The following POLA2 variants were observed in gnomAD, a reference collection of about 807,000 sequenced individuals.
The protein encoded by POLA2 is DNA polymerase alpha subunit B.
A neutral mutation model predicts 82.8 loss-of-function variants in POLA2; 47 were observed. That is an observed-to-expected ratio of 0.57 (90% CI 0.45 to 0.72). The LOEUF is 0.72. Ranked by LOEUF, POLA2 falls within the 30% of genes least tolerant of loss-of-function variation. POLA2 has a pLI of 0.00. For synonymous variants in POLA2, 287 were observed against 286.8 expected, an observed-to-expected ratio of 1.00 and a Z score of -0.01; for missense variants, 634 against 728.1, an observed-to-expected ratio of 0.87 and a Z score of 1.49.
At chr11:65,284,286 C>T (rs752737173) in intron 10 of POLA2, among the ~76,000 whole-genome samples, 10 of 151,958 alleles carry the variant, frequency 6.6e-5, no homozygotes, top group Non-Finnish European at 1.2e-4. Flanking sequence ...AGCCTCCCGG[C>T]ACATAGTGGG....
chr11:65,296,042 T>G, intron 17 of POLA2, 52 bp downstream of exon 17: 6 of 1,611,012 alleles, frequency 3.7e-6, no homozygotes, highest in Non-Finnish European at 5.1e-6. Flanking sequence ...AGTCTTTGAC[T>G]TTCCCTTCTA....
At chr11:65,271,655 T>A (rs550514796) in intron 4 of POLA2, among the ~76,000 whole-genome samples, 2 of 150,664 alleles carry the variant, frequency 1.3e-5, no homozygotes, top group East Asian at 3.9e-4. Flanking sequence ...AGGTCAGGAG[T>A]TCGAGACCAG....
At chr11:65,273,043 G>A (rs1949538956) in intron 4 of POLA2, among the ~76,000 whole-genome samples, 1 of 148,734 alleles carries the variant, frequency 6.7e-6, no homozygotes, top group Admixed American at 6.7e-5. Flanking sequence ...AAACTAGCCA[G>A]GCGCAGTGGC....
intron 5 of POLA2, 50 bp from the exon 6 acceptor site, chr11:65,278,680 T>A (rs1949606511): frequency 2.8e-6 from 4 of 1,436,650 alleles, no homozygotes; most frequent in Non-Finnish European, 3.8e-6. Context: ...TATTCTTCTC[T>A]CCCTTTAGAT....
At chr11:65,305,340 C>CT (rs1353683543) in intron 8 of POLA2, 4 of 456,126 alleles carry the variant, frequency 8.8e-6, no homozygotes, top group South Asian at 1.5e-5. Flanking sequence ...AACGCAAACT[C>CT]TAACTACACC....
chr11:65,271,318 C>T (rs552106373), intron 4 of POLA2, among the ~76,000 whole-genome samples: 47 of 152,264 alleles, frequency 3.1e-4, no homozygotes, highest in African/African-American at 9.4e-4. Flanking sequence ...GGGACCACCA[C>T]GGTTTTATCT....
Position 65,262,268 on chromosome 11 carries a change from T to G in POLA2, c.-25T>G. Reference sequence around the variant, plus strand: ...GCAGGTCGGAGCTGGGTGGGCCGGCTCCCCGGCCCCTGGCTTGGGCGACCA... The same window carrying G: ...GCAGGTCGGAGCTGGGTGGGCCGGCGCCCCGGCCCCTGGCTTGGGCGACCA... On this transcript the variant is annotated 5_prime_UTR_variant, in exon 1 of 18. Transcript: ENST00000265465. 6.3e-7 allele frequency: 1 copy of G among 1,597,528 alleles called. No homozygotes were observed. The highest frequency in any genetic ancestry group is 8.6e-7 in the Non-Finnish European group (1 of 1,168,562).
downstream of POLA2, among the ~76,000 whole-genome samples, chr11:65,301,959 C>T (rs984487484): frequency 2.0e-5 from 3 of 152,172 alleles, no homozygotes; most frequent in Admixed American, 6.5e-5. Flanking sequence ...GCTGGACTGC[C>T]GCTGGCTCTG....
At chr11:65,293,608 CAA>C (rs35492423) in intron 13 of POLA2, among the ~76,000 whole-genome samples, 1,500 of 73,512 alleles carry the variant, frequency 0.02, 24 homozygotes, top group African/African-American at 0.057. Flanking sequence ...GGCTCTGTCT[CAA>C]AAAAAAAAAA....
intron 1 of POLA2, among the ~76,000 whole-genome samples, chr11:65,263,333 C>T (rs1206019): frequency 0.62 from 92,698 of 150,578 alleles, 31,676 homozygotes; most frequent in Middle Eastern, 0.79. Context: ...GATTCTCCTG[C>T]CTCAGCCTCC....
At chr11:65,276,790 C>T (rs919847525) in intron 5 of POLA2, among the ~76,000 whole-genome samples, 12 of 137,748 alleles carry the variant, frequency 8.7e-5, no homozygotes, top group African/African-American at 3.0e-4. Context: ...AACTCTATCA[C>T]TTTTTTTTTT....
chr11:65,288,903 C>G, intron 11 of POLA2, 147 bp from the exon 12 acceptor site: 1 of 718,058 alleles, frequency 1.4e-6, no homozygotes, highest in Non-Finnish European at 2.4e-6. Context: ...GCCAGCCCAT[C>G]TGCTAACTGT....
In POLA2 at chr11:65,264,447, C is replaced by T. The variant is rs544399220; in HGVS notation, c.79+2076C>T. Among the ~76,000 whole-genome samples the T allele has an allele frequency of 3.3e-5, 5 of 152,282 alleles. No homozygotes were observed. In the East Asian group the frequency reaches 5.8e-4, roughly 18 times the overall value. ...CTTCAACTCCTGACCTCAGGTGATCCGCCCACCCTGGCCTCCCAAAGTGCT... is the reference window on the plus strand; with the variant it reads ...CTTCAACTCCTGACCTCAGGTGATCTGCCCACCCTGGCCTCCCAAAGTGCT... On this transcript the variant is annotated intron_variant, in intron 1 of 17. Transcript: ENST00000265465.
Position 65,297,301 on chromosome 11 carries a change from G to A in POLA2, c.*32G>A. ...TGTCCTCTGCTGTTCTCTGCTGTGT[G>A]GGCCCTTAAAGTCTTAGCCAAGAGC... is the stretch of plus-strand genomic sequence containing the variant. On this transcript the variant is annotated 3_prime_UTR_variant, in exon 18 of 18. Transcript: ENST00000265465. 2 of 1,553,284 alleles carry A rather than the reference G, an allele frequency of 1.3e-6. No individual in the cohort carries two copies. The highest frequency in any genetic ancestry group is 1.7e-6 in the Non-Finnish European group (2 of 1,151,562).
chr11:65,262,939 G>C (rs1477001101), intron 1 of POLA2, among the ~76,000 whole-genome samples: 2 of 152,160 alleles, frequency 1.3e-5, no homozygotes, highest in Non-Finnish European at 2.9e-5. Context: ...CTAATTGCCT[G>C]AGCTGTCTGT....
chr11:65,267,610 T>A (rs770508613), intron 3 of POLA2, 42 bp downstream of exon 3: 2 of 1,265,210 alleles, frequency 1.6e-6, no homozygotes, highest in Non-Finnish European at 2.3e-6. Flanking sequence ...AGCTACATGT[T>A]GTATTTTATA....
intron 4 of POLA2, among the ~76,000 whole-genome samples, chr11:65,274,567 C>T (rs1241097637): frequency 3.3e-5 from 5 of 151,410 alleles, no homozygotes; most frequent in African/African-American, 7.3e-5. Flanking sequence ...GTAGTCCCAG[C>T]TACTCTAGAG....
chr11:65,295,610 C>T lies in POLA2; in HGVS notation c.1520+11C>T, dbSNP rs200465100. 1.6e-4 allele frequency: 255 copies of T among 1,610,400 alleles called. No individual in the cohort carries two copies. Among genetic ancestry groups the T allele is most frequent in the Admixed American group, 1.5e-3 (89 of 60,012 alleles). ...CTTGACCCAGAGGAGGTGAGCTTGC[C>T]GCTGGGACCCCTGACTGTGGAGAGA... On this transcript the variant is annotated intron_variant, in intron 16 of 17. Coordinates refer to ENST00000265465, the MANE Select transcript of POLA2 (RefSeq NM_002689.4).
At chr11:65,296,129 C>A in intron 17 of POLA2, 139 bp downstream of exon 17, 1 of 874,978 alleles carries the variant, frequency 1.1e-6, no homozygotes, top group Non-Finnish European at 1.8e-6. Context: ...GGCCTTGTTT[C>A]TTTGGGGAGG....
Sources: gnomAD v4.1 joint callset for allele counts (sites outside exome capture counted in the v4.1 genomes callset) on GRCh38, gnomAD v4.1.1 for gene constraint, MANE v1.5 for transcripts, NCBI Gene and HGNC (gene_info 2026-07-23, HGNC 2026-07-21) for gene names.